The following TKT variants were observed in gnomAD, a reference collection of about 807,000 sequenced individuals.
The protein encoded by TKT is epididymis luminal protein 107.
TKT carries 47 observed loss-of-function variants against 63.9 expected under a neutral mutation model. The ratio of observed to expected loss-of-function variants is 0.74; its 90% CI spans 0.58 to 0.94. The LOEUF (loss-of-function observed/expected upper bound fraction) is 0.94. Among genes scored for constraint, TKT ranks in the 40% least tolerant of loss-of-function variants. TKT has a pLI of 0.00. For missense variants in TKT, 721 were observed against 846.2 expected, an observed-to-expected ratio of 0.85 and a Z score of 1.84; for synonymous variants, 338 against 334.1, an observed-to-expected ratio of 1.01 and a Z score of -0.13.
intron 1 of TKT, among the ~76,000 whole-genome samples, chr3:53,254,749 C>T (rs565372932): frequency 2.4e-4 from 36 of 152,324 alleles, no homozygotes; most frequent in Middle Eastern, 3.4e-3. Flanking sequence ...CTTTACAGAG[C>T]GGGAAGCAGG....
intron 10 of TKT, 124 bp downstream of exon 10, chr3:53,228,883 G>A: frequency 5.1e-6 from 7 of 1,382,734 alleles, no homozygotes; most frequent in South Asian, 1.4e-5. Flanking sequence ...CAAGCTACAC[G>A]AACACCAGGG....
intron 4 of TKT, among the ~76,000 whole-genome samples, chr3:53,237,063 T>C (rs1414473204): frequency 6.6e-6 from 1 of 152,218 alleles, no homozygotes; most frequent in Admixed American, 6.5e-5. Flanking sequence ...AGCATCTCCA[T>C]AAAACAGAAT....
At chr3:53,240,079 G>A (rs1553679441) in intron 4 of TKT, among the ~76,000 whole-genome samples, 172 bp downstream of exon 4, 2 of 152,260 alleles carry the variant, frequency 1.3e-5, no homozygotes, top group Non-Finnish European at 2.9e-5. Flanking sequence ...AAAGGGGGCC[G>A]GTCATGGCAC....
intron 11 of TKT, 30 bp from the exon 12 acceptor site, chr3:53,228,179 T>A (rs1553675998): frequency 6.2e-7 from 1 of 1,613,752 alleles, no homozygotes; most frequent in Admixed American, 1.7e-5. Context: ...TGAGTAAGGC[T>A]CAGGGCCCTG....
Position 53,234,978 on chromosome 3 carries a change from C to T in TKT, c.629+5G>A. The T allele has an allele frequency of 6.2e-7, 1 of 1,609,018 alleles. No individual in the cohort carries two copies. The highest frequency in any genetic ancestry group is 1.3e-5 in the African/African-American group (1 of 75,040). ...ACCACACTCAGGCCACAGCCTCGTA[C>T]ATACCCGAAGGCCTCGCACCGCTTC... is the stretch of plus-strand genomic sequence containing the variant. On this transcript the variant is annotated splice_donor_5th_base_variant and intron_variant, in intron 5 of 13. Coordinates refer to ENST00000462138, the MANE Select transcript of TKT (RefSeq NM_001064.4).
intron 1 of TKT, among the ~76,000 whole-genome samples, chr3:53,251,540 T>C (rs1705746795): frequency 6.6e-6 from 1 of 152,226 alleles, no homozygotes; most frequent in African/African-American, 2.4e-5. Context: ...CAGAGGCCAG[T>C]GTCCCTGCTT....
At chr3:53,229,179 C>T (rs782462142) in intron 9 of TKT, 42 bp from the exon 10 acceptor site, 8 of 1,613,094 alleles carry the variant, frequency 5.0e-6, no homozygotes, top group Non-Finnish European at 5.9e-6. Context: ...AAGACCCCTA[C>T]CCCCCCATCC....
intron 12 of TKT, chr3:53,227,148 C>G: frequency 5.2e-6 from 2 of 383,428 alleles, no homozygotes; most frequent in Non-Finnish European, 9.5e-6. Flanking sequence ...AGCGCCTTCC[C>G]TCATCCTCCC....
Position 53,225,905 on chromosome 3 carries a change from C to G in TKT, c.1723G>C (p.Ala575Pro), listed in dbSNP as rs1553675378. 1 of 1,613,026 alleles carries G rather than the reference C, an allele frequency of 6.2e-7. No homozygotes were observed. The highest frequency in any genetic ancestry group is 2.2e-5 in the East Asian group (1 of 44,878). Residue 575 changes from alanine to proline, a missense_variant, in exon 14 of 14, where the codon GCA (alanine) becomes CCA (proline). By Grantham distance (27) the Ala-to-Pro change is conservative. Coordinates refer to ENST00000462138, the MANE Select transcript of TKT (RefSeq NM_001064.4). ...GTGATGCCAGGCTCGCCCACTACTGCACTGGACACAGCCTCACCAATGCCA... is the reference window on the plus strand; with the variant it reads ...GTGATGCCAGGCTCGCCCACTACTGGACTGGACACAGCCTCACCAATGCCA... ...EGGIGEAVSS[A>P]VVGEPGITVT... is the part of the protein sequence containing the mutation.
At chr3:53,228,604 G>C in intron 10 of TKT, 1 of 536,014 alleles carries the variant, frequency 1.9e-6, no homozygotes, top group East Asian at 3.5e-5. Flanking sequence ...CTGGCTGCAG[G>C]TGGGCTACTC....
intron 8 of TKT, 68 bp downstream of exon 8, chr3:53,230,389 G>T: frequency 6.3e-7 from 1 of 1,598,960 alleles, no homozygotes. Context: ...CAACATGGCT[G>T]CCCCGCACCC....
intron 1 of TKT, among the ~76,000 whole-genome samples, chr3:53,247,062 A>AC (rs1705539784): frequency 7.0e-6 from 1 of 143,818 alleles, no homozygotes; most frequent in African/African-American, 2.9e-5. Flanking sequence ...TTATGCATAT[A>AC]CTTTTTTTTT....
rs782724480 is a variant in TKT at position 53,228,197 on chromosome 3, G to T, written c.1480-48C>A. ...GTAAGGCTCAGGGCCCTGGGGCAGG[G>T]TGTGCCCTGACTGCTGGGAGTCACA... On this transcript the variant is annotated intron_variant, in intron 11 of 13. Coordinates refer to ENST00000462138, the MANE Select transcript of TKT (RefSeq NM_001064.4). 4 of 1,612,690 alleles carry T rather than the reference G, an allele frequency of 2.5e-6. No homozygotes were observed. In the East Asian group the frequency reaches 8.9e-5, roughly 36 times the overall value.
At chr3:53,237,530 A>ACACT (rs1212025862) in intron 4 of TKT, among the ~76,000 whole-genome samples, 1 of 148,076 alleles carries the variant, frequency 6.8e-6, no homozygotes, top group Non-Finnish European at 1.5e-5. Context: ...ACACACACAC[A>ACACT]CACACTGGGA....
chr3:53,228,860 T>G, intron 10 of TKT, 147 bp downstream of exon 10: 4 of 1,180,884 alleles, frequency 3.4e-6, no homozygotes, highest in Non-Finnish European at 4.8e-6. Flanking sequence ...CGTTTTTTCT[T>G]GTCTAACTTC....
intron 4 of TKT, 152 bp downstream of exon 4, chr3:53,240,099 C>T (rs917151769): frequency 1.7e-5 from 11 of 654,670 alleles, no homozygotes; most frequent in South Asian, 7.2e-5. Context: ...CCAGCCATAG[C>T]GGATGTTTAA....
At chr3:53,255,692 G>C (rs1388539982) in intron 1 of TKT, 144 bp downstream of exon 1, 1 of 416,194 alleles carries the variant, frequency 2.4e-6, no homozygotes, top group African/African-American at 2.1e-5. Context: ...TGCGAGGCGC[G>C]CGTCTCCGCC....
In TKT at chr3:53,225,626, A is replaced by G. The variant is rs942412365; in HGVS notation, c.*130T>C. The G allele has an allele frequency of 2.6e-6, 3 of 1,174,128 alleles. No homozygotes were observed. Among genetic ancestry groups the G allele is most frequent in the Middle Eastern group, 2.1e-4 (1 of 4,792 alleles). The allele number at this position is 1,174,128 out of a possible 1,614,324, so 72.7% of individuals were successfully genotyped here. On this transcript the variant is annotated 3_prime_UTR_variant, in exon 14 of 14. Coordinates refer to ENST00000462138, the MANE Select transcript of TKT (RefSeq NM_001064.4). ...CTGCACTGGCTGCAAACACATCAAA[A>G]AAGAAAACATTTCAGGGCCAATTCA...
intron 8 of TKT, among the ~76,000 whole-genome samples, chr3:53,230,212 G>A (rs1390898406): frequency 6.6e-6 from 1 of 152,218 alleles, no homozygotes; most frequent in Non-Finnish European, 1.5e-5. Flanking sequence ...CTCCTCCTGA[G>A]AGCACCTGCA....
Sources: gnomAD v4.1 joint callset for allele counts (sites outside exome capture counted in the v4.1 genomes callset) on GRCh38, gnomAD v4.1.1 for gene constraint, MANE v1.5 for transcripts, NCBI Gene and HGNC (gene_info 2026-07-23, HGNC 2026-07-21) for gene names.